POC1B: variants seen among roughly 807,000 people sequenced by gnomAD.
The protein encoded by POC1B is POC1 centriolar protein homolog B.
POC1B carries 44 observed loss-of-function variants against 60.6 expected under a neutral mutation model. The observed-to-expected ratio is 0.73, with a 90% CI of 0.57 to 0.93. POC1B has a LOEUF of 0.93. Among genes scored for constraint, POC1B ranks in the 40% least tolerant of loss-of-function variants. POC1B has a pLI of 0.00. For synonymous variants in POC1B, 180 were observed against 198.9 expected (o/e 0.90, Z 0.80); for missense variants, 555 against 572.3 (o/e 0.97, Z 0.31).
intron 2 of POC1B, chr12:89,500,896 T>C: frequency 1.9e-6 from 2 of 1,039,242 alleles, no homozygotes; most frequent in Non-Finnish European, 2.9e-6. Flanking sequence ...TTTTCAACAT[T>C]GTTTTTAGAA....
At chr12:89,431,848 C>T (rs994059607) in intron 10 of POC1B, among the ~76,000 whole-genome samples, 3 of 152,164 alleles carry the variant, frequency 2.0e-5, no homozygotes, top group Admixed American at 6.6e-5. Context: ...ACAGGATTAA[C>T]GGGGCTAAAA....
chr12:89,414,805 T>C (rs1231772120), downstream of POC1B, among the ~76,000 whole-genome samples: 5 of 152,214 alleles, frequency 3.3e-5, no homozygotes, highest in Admixed American at 3.3e-4. Context: ...CAGGAACAGA[T>C]AGTTTATCTT....
Position 89,425,277 on chromosome 12 carries a change from T to A in POC1B, c.1216A>T (p.Thr406Ser), listed in dbSNP as rs774341328. 10 of 1,614,050 alleles carry A rather than the reference T, an allele frequency of 6.2e-6. No homozygotes were observed. The African/African-American group carries it at 1.2e-4, about 19-fold the overall frequency. ...CTCATGTCTTCTGTTTTCTTTTTCG[T>A]GGTTGTTGGCAAACATTCTGGTGAC... Reference protein sequence around the residue: ...LMSPECLPTTTKKKTEDMSDL... With the variant: ...LMSPECLPTTSKKKTEDMSDL... The change falls in exon 11 of 12, where the codon ACG becomes TCG. Residue 406 changes from threonine (T) to serine (S), a missense_variant. Thr to Ser is a moderately conservative substitution (Grantham distance 58). Coordinates refer to ENST00000313546, the MANE Select transcript of POC1B (RefSeq NM_172240.3).
chr12:89,512,276 T>C (rs1592640425), intron 2 of POC1B, among the ~76,000 whole-genome samples: 1 of 152,232 alleles, frequency 6.6e-6, no homozygotes, highest in African/African-American at 2.4e-5. Context: ...TGATACTAAG[T>C]AATTAGCTTG....
chr12:89,489,429 C>T (rs572967051), intron 4 of POC1B, among the ~76,000 whole-genome samples: 11 of 152,310 alleles, frequency 7.2e-5, no homozygotes, highest in African/African-American at 2.4e-4. Context: ...ATGGCATATA[C>T]AGAAATAATT....
At position 89,470,403 on chromosome 12, in the gene POC1B, G is replaced by A. The variant is rs772314975; in HGVS notation, c.768C>T (p.Asp256=). The A allele has an allele frequency of 6.9e-6, 11 of 1,600,252 alleles. No individual in the cohort carries two copies. The South Asian group carries it at 8.9e-5, about 13-fold the overall frequency. ...TATAGATGAGCCTTCCTTCTAAGAGGTCCAGAATCTTAAGGGTACCATCTG... is the reference window on the plus strand; with the variant it reads ...TATAGATGAGCCTTCCTTCTAAGAGATCCAGAATCTTAAGGGTACCATCTG... ...ASSDGTLKIL[D]LLEGRLIYTL... The change falls in exon 7 of 12, where the codon GAC becomes GAT. Residue 256 remains aspartate (D), a synonymous_variant. Transcript: ENST00000313546.
chr12:89,403,239 T>A, the POC1B span, among the ~76,000 whole-genome samples: 1 of 152,168 alleles, frequency 6.6e-6, no homozygotes, highest in Non-Finnish European at 1.5e-5. Flanking sequence ...AACTCCTGAC[T>A]TCAAGTGTCT....
rs1486064241 is a variant in POC1B at position 89,472,755 on chromosome 12, A to T, written c.453-480T>A. 1.9e-5 allele frequency: 3 copies of T among 154,150 alleles called. No homozygotes were observed. The East Asian group carries it at 5.7e-4, about 29-fold the overall frequency. The allele number at this position is 154,150 out of a possible 1,614,324, so 9.5% of individuals were successfully genotyped here. On this transcript the variant is annotated intron_variant, in intron 4 of 11. Coordinates refer to ENST00000313546, the MANE Select transcript of POC1B (RefSeq NM_172240.3). ...AGAATTAAAATTAAGTGACATCACC[A>T]ACAAAAGAACCTAACTGCCCATGCC...
At chr12:89,475,820 C>G (rs78963456) in intron 4 of POC1B, among the ~76,000 whole-genome samples, 2 of 150,842 alleles carry the variant, frequency 1.3e-5, no homozygotes, top group Non-Finnish European at 2.9e-5. Context: ...CATGGACATT[C>G]GAGAGTTTAA....
At chr12:89,474,944 C>A (rs1592611849) in intron 4 of POC1B, among the ~76,000 whole-genome samples, 1 of 152,116 alleles carries the variant, frequency 6.6e-6, no homozygotes, top group Non-Finnish European at 1.5e-5. Context: ...GAAAAATTTT[C>A]ACCCACTGAT....
At chr12:89,514,800 G>A (rs1370631771) in intron 2 of POC1B, among the ~76,000 whole-genome samples, 1 of 152,032 alleles carries the variant, frequency 6.6e-6, no homozygotes, top group African/African-American at 2.4e-5. Flanking sequence ...TTCAGGTCCT[G>A]CTTCCTCTAA....
chr12:89,467,467 G>C (rs1882726458), intron 8 of POC1B, 150 bp downstream of exon 8: 2 of 600,898 alleles, frequency 3.3e-6, no homozygotes, highest in South Asian at 3.0e-5. Flanking sequence ...TTTCAGCTAT[G>C]AGATAGCAGA....
intron 4 of POC1B, among the ~76,000 whole-genome samples, chr12:89,474,394 C>T (rs143401304): frequency 0.014 from 2,151 of 152,182 alleles, 30 homozygotes; most frequent in Non-Finnish European, 0.021. Flanking sequence ...AAATGAAATG[C>T]TTAGATAATA....
At chr12:89,431,019 A>G (rs1339665027) in intron 10 of POC1B, among the ~76,000 whole-genome samples, 1 of 152,072 alleles carries the variant, frequency 6.6e-6, no homozygotes, top group East Asian at 1.9e-4. Context: ...ATATTATCTA[A>G]CTTCAAATCA....
At chr12:89,512,782 A>G (rs1414643293) in intron 2 of POC1B, among the ~76,000 whole-genome samples, 1 of 152,216 alleles carries the variant, frequency 6.6e-6, no homozygotes, top group Non-Finnish European at 1.5e-5. Context: ...AACAAGGCAG[A>G]TAAATATCAT....
At chr12:89,524,934 T>TGGGGGCC in intron 2 of POC1B, 186 bp downstream of exon 2, 2 of 945,520 alleles carry the variant, frequency 2.1e-6, no homozygotes, top group African/African-American at 1.7e-5. Context: ...GGCCGGGGGC[T>TGGGGGCC]GGGGGCCGGG....
intron 10 of POC1B, chr12:89,429,014 G>C (rs1474077855): frequency 2.0e-5 from 3 of 152,096 alleles, no homozygotes; most frequent in Admixed American, 2.0e-4. Context: ...AGACCTTCTT[G>C]GAAAAAGGCC....
chr12:89,423,367 G>A (rs1880624092), intron 11 of POC1B, among the ~76,000 whole-genome samples: 1 of 152,106 alleles, frequency 6.6e-6, no homozygotes, highest in South Asian at 2.1e-4. Context: ...TGAACTCCTG[G>A]GCTCAAGCAA....
At chr12:89,431,636 T>C (rs1028845207) in intron 10 of POC1B, among the ~76,000 whole-genome samples, 2 of 152,232 alleles carry the variant, frequency 1.3e-5, no homozygotes, top group African/African-American at 4.8e-5. Flanking sequence ...AATCTCTACA[T>C]AAGATCTAAG....
Sources: allele counts gnomAD v4.1 joint callset (sites outside exome capture counted in the v4.1 genomes callset), GRCh38; gene constraint gnomAD v4.1.1; transcripts MANE v1.5; gene names NCBI Gene and HGNC (gene_info 2026-07-23, HGNC 2026-07-21).